Variants in IQCM observed in about 807,000 individuals in gnomAD.
IQCM encodes the protein IQ motif containing M.
IQCM carries 45 observed loss-of-function variants against 57.6 expected under a neutral mutation model. The ratio of observed to expected loss-of-function variants is 0.78; its 90% CI spans 0.62 to 1.00. The LOEUF is 1.00. Ranked by LOEUF, IQCM falls within the 50% of genes least tolerant of loss-of-function variation. The probability of loss-of-function intolerance (pLI) is 0.00; values close to 1 mark genes in which losing one functional copy is unlikely to be tolerated. For missense variants in IQCM, 468 were observed against 511.6 expected (o/e 0.91, Z 0.82); for synonymous variants, 148 against 158.9 (o/e 0.93, Z 0.51).
intron 12 of IQCM, among the ~76,000 whole-genome samples, chr4:149,465,226 G>GT (rs1261594134): frequency 2.6e-5 from 4 of 151,874 alleles, no homozygotes; most frequent in African/African-American, 9.7e-5. Context: ...ATACATTTTG[G>GT]TTTTTTTTAA....
chr4:149,791,390 G>A (rs1772597062), intron 2 of IQCM, among the ~76,000 whole-genome samples: 1 of 152,092 alleles, frequency 6.6e-6, no homozygotes, highest in African/African-American at 2.4e-5. Context: ...AATTAGGAGA[G>A]CTATCTCCTC....
chr4:149,813,111 G>A (rs571057478), intron 2 of IQCM, among the ~76,000 whole-genome samples: 3,344 of 152,038 alleles, frequency 0.022, 61 homozygotes, highest in South Asian at 0.035. Context: ...CACAAAAAAA[G>A]CATTCTTAGT....
intron 13 of IQCM, among the ~76,000 whole-genome samples, chr4:149,352,344 T>C (rs1728637678): frequency 6.6e-6 from 1 of 152,202 alleles, no homozygotes; most frequent in Non-Finnish European, 1.5e-5. Flanking sequence ...TCTGTATCTG[T>C]GGGTTCCCTG....
intron 12 of IQCM, among the ~76,000 whole-genome samples, chr4:149,510,374 T>C (rs551288704): frequency 1.5e-3 from 227 of 152,278 alleles, no homozygotes; most frequent in African/African-American, 5.2e-3. Flanking sequence ...AATTTAAATA[T>C]TTATATCCCA....
intron 12 of IQCM, among the ~76,000 whole-genome samples, chr4:149,544,369 T>C (rs947913138): frequency 6.6e-6 from 1 of 152,128 alleles, no homozygotes; most frequent in South Asian, 2.1e-4. Flanking sequence ...AGGTTAAAGA[T>C]CTGTACCCTG....
chr4:149,565,953 A>G (rs937304532), intron 9 of IQCM, among the ~76,000 whole-genome samples: 1 of 152,098 alleles, frequency 6.6e-6, no homozygotes, highest in African/African-American at 2.4e-5. Context: ...AATATATATC[A>G]TTTTGTACAC....
intron 13 of IQCM, among the ~76,000 whole-genome samples, chr4:149,369,538 T>G (rs1251973075): frequency 6.6e-6 from 1 of 152,212 alleles, no homozygotes; most frequent in East Asian, 1.9e-4. Context: ...CAGCTTGTCA[T>G]AAAAGTGGTA....
intron 13 of IQCM, among the ~76,000 whole-genome samples, chr4:149,355,931 C>T (rs1418714960): frequency 6.6e-6 from 1 of 152,080 alleles, no homozygotes; most frequent in African/African-American, 2.4e-5. Flanking sequence ...TTAATGATCG[C>T]CATTCTAACT....
At chr4:149,512,948 A>G (rs1188048695) in intron 12 of IQCM, among the ~76,000 whole-genome samples, 1 of 152,016 alleles carries the variant, frequency 6.6e-6, no homozygotes, top group African/African-American at 2.4e-5. Context: ...TCCATAAAAC[A>G]CCTCCAGTTT....
At chr4:149,716,510 G>A (rs868812197) in intron 5 of IQCM, among the ~76,000 whole-genome samples, 4 of 152,248 alleles carry the variant, frequency 2.6e-5, no homozygotes, top group Non-Finnish European at 5.9e-5. Flanking sequence ...CTGCAGCTGC[G>A]CCAAAGAAGG....
At chr4:149,433,242 T>C (rs1332754978) in intron 13 of IQCM, among the ~76,000 whole-genome samples, 154 bp downstream of exon 13, 1 of 152,018 alleles carries the variant, frequency 6.6e-6, no homozygotes, top group Non-Finnish European at 1.5e-5. Flanking sequence ...TAGCCCCTTT[T>C]TAAATTGCAG....
At chr4:149,711,597 T>C (rs190583099) in intron 5 of IQCM, among the ~76,000 whole-genome samples, 1 of 152,316 alleles carries the variant, frequency 6.6e-6, no homozygotes, top group Admixed American at 6.5e-5. Context: ...TGGCTTTCAA[T>C]AAAGCAGTGG....
intron 12 of IQCM, among the ~76,000 whole-genome samples, chr4:149,454,163 T>TAC (rs1194793279): frequency 1.4e-5 from 2 of 147,050 alleles, no homozygotes; most frequent in African/African-American, 5.0e-5. Flanking sequence ...TATATATATA[T>TAC]ATATACACAC....
chr4:149,637,376 AAAG>A (rs1157277266), intron 7 of IQCM, among the ~76,000 whole-genome samples: 1 of 152,138 alleles, frequency 6.6e-6, no homozygotes, highest in Admixed American at 6.5e-5. Context: ...CTGAGAGATT[AAAG>A]AAGGCCTAAA....
chr4:149,448,094 C>T (rs1232816861), intron 12 of IQCM, among the ~76,000 whole-genome samples: 1 of 151,638 alleles, frequency 6.6e-6, no homozygotes, highest in Non-Finnish European at 1.5e-5. Context: ...CAATTGTACA[C>T]AGAACATGTT....
intron 7 of IQCM, among the ~76,000 whole-genome samples, chr4:149,667,353 G>A (rs1278171676): frequency 6.6e-6 from 1 of 152,032 alleles, no homozygotes; most frequent in African/African-American, 2.4e-5. Flanking sequence ...CTGTTAAAAG[G>A]AAAACTAACA....
intron 13 of IQCM, among the ~76,000 whole-genome samples, chr4:149,354,409 T>A: frequency 7.1e-6 from 1 of 141,398 alleles, no homozygotes; most frequent in Non-Finnish European, 1.5e-5. Context: ...TAGGCCACAG[T>A]AATTGCAAAA....
At chr4:149,601,754 T>G (rs1000228461) in intron 8 of IQCM, among the ~76,000 whole-genome samples, 2 of 152,132 alleles carry the variant, frequency 1.3e-5, no homozygotes, top group African/African-American at 4.8e-5. Context: ...CAACCAACAT[T>G]GGATTAGAAA....
chr4:149,724,268 A>G (rs985377014), intron 5 of IQCM, among the ~76,000 whole-genome samples: 2 of 152,080 alleles, frequency 1.3e-5, no homozygotes, highest in East Asian at 1.9e-4. Context: ...ATTGTTGATC[A>G]AAAAACTATT....
Sources: gnomAD v4.1 joint callset for allele counts (sites outside exome capture counted in the v4.1 genomes callset) on GRCh38, gnomAD v4.1.1 for gene constraint, MANE v1.5 for transcripts, NCBI Gene and HGNC (gene_info 2026-07-23, HGNC 2026-07-21) for gene names.